Variants in BEND3 observed in about 807,000 individuals in gnomAD.
The protein encoded by BEND3 is BEN domain containing 3, also known as BEN domain-containing protein 3.
Under a neutral mutation model 60.1 loss-of-function variants are expected in BEND3, and 13 were observed. That is an observed-to-expected ratio of 0.22 (90% CI 0.14 to 0.34). The LOEUF is 0.34. Ranked by LOEUF, BEND3 falls within the 10% of genes least tolerant of loss-of-function variation. The pLI is 1.00. For missense variants in BEND3, 896 were observed against 1,138.1 expected, an observed-to-expected ratio of 0.79 and a Z score of 3.06; for synonymous variants, 497 against 491.5, an observed-to-expected ratio of 1.01 and a Z score of -0.15.
At position 107,070,654 on chromosome 6, in the gene BEND3, A is replaced by G; in HGVS notation, c.537T>C (p.Cys179=). Residue 179 remains cysteine (C), a synonymous_variant, in exon 4 of 4, where the codon TGT becomes TGC. Coordinates refer to ENST00000369042, the MANE Select transcript of BEND3 (RefSeq NM_001367314.1). The surrounding 1 kb of genome is among the most constrained non-coding windows in gnomAD (Gnocchi z 6.9). ...TGTCAGTGCCTGCCCCGGTGCTGCCACAGTCCCGCTTCTGTGGCTCATTCA... is the reference window on the plus strand; with the variant it reads ...TGTCAGTGCCTGCCCCGGTGCTGCCGCAGTCCCGCTTCTGTGGCTCATTCA... ...RLLNEPQKRD[C]GSTGAGTDND... 6.2e-7 allele frequency: 1 copy of G among 1,612,550 alleles called. No homozygotes were observed. Among genetic ancestry groups the G allele is most frequent in the Non-Finnish European group, 8.5e-7 (1 of 1,179,930 alleles).
chr6:107,113,214 G>A (rs140747149), intron 1 of BEND3, among the ~76,000 whole-genome samples: 1 of 151,864 alleles, frequency 6.6e-6, no homozygotes, highest in Admixed American at 6.6e-5. Flanking sequence ...AGGCCAGGCA[G>A]GCAGATCACC....
chr6:107,089,200 T>TTTAAAG (rs1775419616), intron 3 of BEND3, among the ~76,000 whole-genome samples: 1 of 152,060 alleles, frequency 6.6e-6, no homozygotes, highest in African/African-American at 2.4e-5. Context: ...TGTGAGAAAT[T>TTTAAAG]GAAGAAGACA....
At chr6:107,110,916 C>T (rs1430913990) in intron 1 of BEND3, among the ~76,000 whole-genome samples, 2 of 151,584 alleles carry the variant, frequency 1.3e-5, no homozygotes, top group Non-Finnish European at 2.9e-5. Flanking sequence ...GCAATCCCAG[C>T]ACTTTGGGAG....
rs150744696 is a variant in BEND3 at position 107,098,691 on chromosome 6, C to T, written c.100G>A (p.Val34Met). 86 of 1,613,944 alleles carry T rather than the reference C, an allele frequency of 5.3e-5. No individual in the cohort carries two copies. The highest frequency in any genetic ancestry group is 1.7e-4 in the Middle Eastern group (1 of 6,020). ...EAEDAALDCS[V>M]NSRTSEKHSV... ...TGCTTCTCAGAAGTCCTGGAATTCA[C>T]GGAGCAGTCCAGAGCAGCATCTTCA... The change falls in exon 3 of 4, where the codon GTG (valine) becomes ATG (methionine). Residue 34 changes from valine (V) to methionine (M), a missense_variant. Physicochemically the swap from Val to Met is conservative, Grantham distance 21 (BLOSUM62 1). This residue lies in a region of BEND3 where 846 missense variants were observed against 1,036.7 expected (regional missense o/e 0.82). Transcript: ENST00000369042.
In BEND3 at chr6:107,069,409, C is replaced by T; in HGVS notation, c.1782G>A (p.Gln594=). Residue 594 remains glutamine (Q), a synonymous_variant, in exon 4 of 4, where the codon CAG becomes CAA. Transcript: ENST00000369042. The part of the protein sequence containing the change: ...ELFTHENLRK[Q]YNCSGSLGKK... ...TGCCCAGGGAGCCGCTGCAGTTGTA[C>T]TGCTTGCGCAGGTTCTCGTGCGTGA... The T allele has an allele frequency of 1.2e-6, 2 of 1,612,712 alleles. No individual in the cohort carries two copies. The highest frequency in any genetic ancestry group is 2.2e-5 in the South Asian group (2 of 91,062).
rs188041443 is a variant in BEND3 at position 107,088,252 on chromosome 6, T to A, written c.240+10299A>T. Among the ~76,000 whole-genome samples, 312 of 152,150 alleles carry A rather than the reference T, an allele frequency of 2.1e-3. 1 individual carries two copies. Among genetic ancestry groups the A allele is most frequent in the Non-Finnish European group, 3.2e-4 (22 of 68,022 alleles). On this transcript the variant is annotated intron_variant, in intron 3 of 3. Coordinates refer to ENST00000369042, the MANE Select transcript of BEND3 (RefSeq NM_001367314.1). ...AAAAGAATCTCTGCATTTGAGGATA[T>A]CTTAATAGATACCTCAAAAACAGAA... is the stretch of plus-strand genomic sequence containing the variant.
Position 107,070,403 on chromosome 6 carries a change from CCT to C in BEND3, c.786_787del (p.Asp265ProfsTer94). The stretch of plus-strand genomic sequence containing the variant: ...CAGCAAGCGGCAGGCCAGGTCCCCC[CCT>C]GACAGGCTCTGGTCCACGATCTGCT... On this transcript the variant is annotated frameshift_variant, in exon 4 of 4. Transcript: ENST00000369042. LOFTEE classifies it high-confidence loss of function. This position sits in a 1 kb window ranked among gnomAD's most constrained non-coding sequence, Gnocchi z 6.9. 2 of 1,613,930 alleles carry C rather than the reference CCT, an allele frequency of 1.2e-6. No individual in the cohort carries two copies. Among genetic ancestry groups the C allele is most frequent in the Non-Finnish European group, 8.5e-7 (1 of 1,180,032 alleles).
At chr6:107,072,618 G>T (rs973170969) in intron 3 of BEND3, among the ~76,000 whole-genome samples, 1 of 152,180 alleles carries the variant, frequency 6.6e-6, no homozygotes, top group Admixed American at 6.5e-5. Flanking sequence ...GATCCAGGGG[G>T]AATAGAAACC....
At chr6:107,099,166 A>AT in intron 2 of BEND3, 83 bp downstream of exon 2, 1 of 1,161,036 alleles carries the variant, frequency 8.6e-7, no homozygotes. Flanking sequence ...ATAACTTTGT[A>AT]TATTTTTGGA....
intron 1 of BEND3, among the ~76,000 whole-genome samples, chr6:107,102,731 C>T (rs1554236877): frequency 6.6e-6 from 1 of 152,216 alleles, no homozygotes; most frequent in African/African-American, 2.4e-5. Flanking sequence ...AACCTCGCGC[C>T]TGCCCCTGGC....
At chr6:107,110,673 G>A (rs1582677103) in intron 1 of BEND3, among the ~76,000 whole-genome samples, 4 of 151,992 alleles carry the variant, frequency 2.6e-5, no homozygotes, top group Non-Finnish European at 1.5e-5. Flanking sequence ...CGATTCTCCC[G>A]CTTCAGCCTC....
At chr6:107,112,870 A>G (rs1770142872) in intron 1 of BEND3, among the ~76,000 whole-genome samples, 1 of 151,620 alleles carries the variant, frequency 6.6e-6, no homozygotes, top group Non-Finnish European at 1.5e-5. Flanking sequence ...AAAAAAAAAA[A>G]AAGAAAGGCT....
chr6:107,099,253 T>C lies in BEND3; in HGVS notation c.33A>G (p.Glu11=). 3.7e-6 allele frequency: 6 copies of C among 1,611,012 alleles called. No homozygotes were observed. Among genetic ancestry groups the C allele is most frequent in the Non-Finnish European group, 5.1e-6 (6 of 1,177,384 alleles). The change falls in exon 2 of 4, where the codon GAA becomes GAG. Residue 11 remains glutamate, a synonymous_variant. Transcript: ENST00000369042. The part of the protein sequence containing the change: MNSTEFTEDV[E]EVLKSITVKV... ...AAAAGGGCATTTTTTTTTTACCTTC[T>C]TCTACATCTTCGGTGAATTCAGTTG...
At chr6:107,098,805 G>T in intron 2 of BEND3, 52 bp from the exon 3 acceptor site, 2 of 1,508,346 alleles carry the variant, frequency 1.3e-6, no homozygotes, top group Non-Finnish European at 1.8e-6. Context: ...GCTGCTCAGA[G>T]ATCAGCAGGG....
rs369196616 is a variant in BEND3, at chr6:107,069,397, G to A, written c.1794C>T (p.Ser598=). ...CCAGCTGCTTCTTGCCCAGGGAGCC[G>A]CTGCAGTTGTACTGCTTGCGCAGGT... ...HENLRKQYNC[S]GSLGKKQLDP... The change falls in exon 4 of 4, where the codon AGC becomes AGT. Residue 598 remains serine (S), a synonymous_variant. Transcript: ENST00000369042. The A allele has an allele frequency of 2.8e-5, 45 of 1,612,278 alleles. No homozygotes were observed. The highest frequency in any genetic ancestry group is 3.6e-5 in the Non-Finnish European group (42 of 1,179,776).
chr6:107,070,912 C>A lies in BEND3; in HGVS notation c.279G>T (p.Ser93=), dbSNP rs141741155. ...CCTGCTCACCATTGCCTTGGCAGGG[C>A]GAGCTGTTCTCACGGTTCCGCATGC... ...LAGMRNRENS[S]PCQGNGEQAG... Residue 93 remains serine (S), a synonymous_variant, in exon 4 of 4, where the codon TCG becomes TCT. Coordinates refer to ENST00000369042, the MANE Select transcript of BEND3 (RefSeq NM_001367314.1). This position sits in a 1 kb window ranked among gnomAD's most constrained non-coding sequence, Gnocchi z 6.9. 125 of 1,613,454 alleles carry A rather than the reference C, an allele frequency of 7.7e-5. 1 individual carries two copies. The African/African-American group carries it at 1.5e-3, about 19-fold the overall frequency.
intron 3 of BEND3, among the ~76,000 whole-genome samples, chr6:107,072,217 G>A (rs1774998384): frequency 6.6e-6 from 1 of 152,184 alleles, no homozygotes. Flanking sequence ...ACGGCATCCT[G>A]GGGTGCTTCT....
intron 3 of BEND3, among the ~76,000 whole-genome samples, chr6:107,084,222 G>A (rs1554233914): frequency 6.6e-6 from 1 of 152,202 alleles, no homozygotes; most frequent in Non-Finnish European, 1.5e-5. Context: ...ACTAGGGCAG[G>A]GAAACCTGAA....
At chr6:107,109,489 C>A (rs918443557) in intron 1 of BEND3, among the ~76,000 whole-genome samples, 2 of 142,052 alleles carry the variant, frequency 1.4e-5, no homozygotes, top group Non-Finnish European at 3.0e-5. Context: ...TGGCTTACAC[C>A]TGTAATCTCA....
Sources: allele counts gnomAD v4.1 joint callset (sites outside exome capture counted in the v4.1 genomes callset), GRCh38; gene constraint gnomAD v4.1.1; regional missense constraint gnomAD v4.1.1; non-coding constraint Gnocchi (gnomAD v3.1); transcripts MANE v1.5; gene names NCBI Gene and HGNC (gene_info 2026-07-23, HGNC 2026-07-21).